Variants in SYNC observed in about 807,000 individuals in gnomAD.
SYNC encodes syncoilin.
SYNC carries 38 observed loss-of-function variants against 49.5 expected under a neutral mutation model. That is an observed-to-expected ratio of 0.77 (90% CI 0.59 to 1.01). The LOEUF (loss-of-function observed/expected upper bound fraction) is 1.01, where lower values mean the gene tolerates loss of function less well. Ranked by LOEUF, SYNC falls within the 50% of genes least tolerant of loss-of-function variation. The pLI is 0.00. For missense variants in SYNC, 579 were observed against 580.6 expected (o/e 1.00, Z 0.03); for synonymous variants, 201 against 230.8 (o/e 0.87, Z 1.17).
chr1:32,698,036 A>G (rs1650508135), intron 1 of SYNC, among the ~76,000 whole-genome samples: 1 of 151,748 alleles, frequency 6.6e-6, no homozygotes, highest in Non-Finnish European at 1.5e-5. Flanking sequence ...CAGCCTAGCC[A>G]ACATGGTGAA....
intron 1 of SYNC, among the ~76,000 whole-genome samples, chr1:32,700,693 G>A (rs1038636745): frequency 2.0e-5 from 3 of 152,056 alleles, no homozygotes; most frequent in Non-Finnish European, 2.9e-5. Context: ...GCAAGACTCT[G>A]TCTCAAAAAA....
rs1649434037 is a variant in SYNC, at chr1:32,681,516, C to T, written c.*334G>A. The T allele has an allele frequency of 2.9e-6, 1 of 344,926 alleles. No individual in the cohort carries two copies. Among genetic ancestry groups the T allele is most frequent in the African/African-American group, 2.1e-5 (1 of 47,374 alleles). The allele number at this position is 344,926 out of a possible 1,614,324, so 21.4% of individuals were successfully genotyped here. A position where few individuals can be genotyped will look rare whatever the true frequency, so the allele number is the denominator to read the frequency against. On this transcript the variant is annotated 3_prime_UTR_variant, in exon 5 of 5. Coordinates refer to ENST00000409190, the MANE Select transcript of SYNC (RefSeq NM_030786.3). ...GCAAGATACATTCTTTAAAATACTCCCAGATGTGTCCATACATTCATCCTT... is the reference window on the plus strand; with the variant it reads ...GCAAGATACATTCTTTAAAATACTCTCAGATGTGTCCATACATTCATCCTT...
At chr1:32,689,235 C>CTTTTTTTTTTTTTTTTTTTTTTTT (rs71006360) in intron 2 of SYNC, among the ~76,000 whole-genome samples, 1 of 41,536 alleles carries the variant, frequency 2.4e-5, no homozygotes, top group Non-Finnish European at 4.9e-5. Flanking sequence ...CTCGCCTGGC[C>CTTTTTTTTTTTTTTTTTTTTTTTT]TTTTTTTTTT....
chr1:32,694,979 C>A lies in SYNC; in HGVS notation c.1119G>T (p.Glu373Asp), dbSNP rs143560038. The change falls in exon 2 of 5, where the codon GAG becomes GAT. Residue 373 changes from glutamate to aspartate, a missense_variant. Transcript: ENST00000409190. Reference protein sequence around the residue: ...RTQAEIQEMKEALRPLQAEAR... With the variant: ...RTQAEIQEMKDALRPLQAEAR... ...CCTCTGCTTGCAGGGGTCTCAGAGC[C>A]TCCTTCATTTCCTGGATCTCAGCCT... 6.2e-7 allele frequency: 1 copy of A among 1,613,972 alleles called. No individual in the cohort carries two copies. Among genetic ancestry groups the A allele is most frequent in the Admixed American group, 1.7e-5 (1 of 59,980 alleles).
intron 2 of SYNC, among the ~76,000 whole-genome samples, chr1:32,689,671 G>A (rs1386026297): frequency 2.6e-5 from 4 of 152,072 alleles, no homozygotes; most frequent in Non-Finnish European, 5.9e-5. Context: ...GGCCGGGCGT[G>A]GTGGCTCATG....
Position 32,680,058 on chromosome 1 carries a change from CA to C in SYNC, c.*1791del. ...GGCTAGAGTGAGTAAGGAATAGAGC[CA>C]AATGAGGTAGGTGTCTGAGCCATGA... On this transcript the variant is annotated 3_prime_UTR_variant, in exon 5 of 5. Coordinates refer to ENST00000409190, the MANE Select transcript of SYNC (RefSeq NM_030786.3). The C allele has an allele frequency of 9.3e-7, 1 of 1,078,858 alleles. No homozygotes were observed. Among genetic ancestry groups the C allele is most frequent in the Non-Finnish European group, 1.1e-6 (1 of 891,736 alleles). The allele number at this position is 1,078,858 out of a possible 1,614,324, so 66.8% of individuals were successfully genotyped here.
At chr1:32,684,775 ATACTT>A (rs950436091) in intron 2 of SYNC, 1 of 159,000 alleles carries the variant, frequency 6.3e-6, no homozygotes, top group African/African-American at 2.4e-5. Context: ...ATAATATAAA[ATACTT>A]AAGTTGAAAT....
chr1:32,694,869 T>C lies in SYNC; in HGVS notation c.1229A>G (p.Tyr410Cys). Residue 410 changes from tyrosine to cysteine, a missense_variant, in exon 2 of 5, where the codon TAC (tyrosine) becomes TGC (cysteine). Coordinates refer to ENST00000409190, the MANE Select transcript of SYNC (RefSeq NM_030786.3). ...TTTCATGCCCAATGGGCCTACCCTG[T>C]ACTGCTGCACCTCTTCATCTCGTTT... is the stretch of plus-strand genomic sequence containing the variant. ...RQKRDEEVQQ[Y>C]REQLEEMEER... is the part of the protein sequence containing the mutation. 2 of 1,602,764 alleles carry C rather than the reference T, an allele frequency of 1.2e-6. No homozygotes were observed. The highest frequency in any genetic ancestry group is 1.1e-5 in the South Asian group (1 of 89,308).
At chr1:32,684,188 T>A (rs1649649779) in intron 3 of SYNC, 70 bp downstream of exon 3, 8 of 1,605,772 alleles carry the variant, frequency 5.0e-6, no homozygotes, top group Non-Finnish European at 6.0e-6. Flanking sequence ...TAAGGTAAAA[T>A]TTTCCCTAAG....
At chr1:32,685,874 T>C (rs963547532) in intron 2 of SYNC, 1 of 152,222 alleles carries the variant, frequency 6.6e-6, no homozygotes, top group Non-Finnish European at 1.5e-5. Flanking sequence ...TGTTAACCAC[T>C]AGATTAACTT....
Position 32,680,374 on chromosome 1 carries a change from T to TTA in SYNC, c.*1475_*1476insTA. 8.7e-7 allele frequency: 1 copy of TTA among 1,148,448 alleles called. No homozygotes were observed. Among genetic ancestry groups the TTA allele is most frequent in the East Asian group, 4.2e-5 (1 of 23,828 alleles). The allele number at this position is 1,148,448 out of a possible 1,614,324, so 71.1% of individuals were successfully genotyped here. A position where few individuals can be genotyped will look rare whatever the true frequency, so the allele number is the denominator to read the frequency against. On this transcript the variant is annotated 3_prime_UTR_variant, in exon 5 of 5. Coordinates refer to ENST00000409190, the MANE Select transcript of SYNC (RefSeq NM_030786.3). ...TGTTGTTGGTTTTTTTTTTTTTTTT[T>TTA]TTAACTTGGGACCACCAAGTTGTAA...
intron 4 of SYNC, 106 bp downstream of exon 4, chr1:32,683,904 A>G: frequency 9.0e-7 from 1 of 1,113,300 alleles, no homozygotes; most frequent in Non-Finnish European, 1.3e-6. Context: ...AAGTGCTAGG[A>G]TTACAGGCGT....
At chr1:32,696,793 CT>C (rs900235484) in intron 1 of SYNC, among the ~76,000 whole-genome samples, 7 of 149,504 alleles carry the variant, frequency 4.7e-5, no homozygotes, top group African/African-American at 1.7e-4. Context: ...TTCCTTATAA[CT>C]TTTTTTTTTC....
rs1470971166 is a variant in SYNC at position 32,680,358 on chromosome 1, T to G, written c.*1492A>C. ...ATGGTGTTTTTTTTTTTGTTGTTGG[T>G]TTTTTTTTTTTTTTTTTTAACTTGG... On this transcript the variant is annotated 3_prime_UTR_variant, in exon 5 of 5. Transcript: ENST00000409190. 8 of 120,820 alleles carry G rather than the reference T, an allele frequency of 6.6e-5. No individual in the cohort carries two copies. The highest frequency in any genetic ancestry group is 2.7e-4 in the South Asian group (1 of 3,758). The allele number at this position is 120,820 out of a possible 1,614,324, so 7.5% of individuals were successfully genotyped here. A position where few individuals can be genotyped will look rare whatever the true frequency, so the allele number is the denominator to read the frequency against.
chr1:32,702,567 T>C lies in SYNC; in HGVS notation c.53+41A>G. 1 of 1,196,072 alleles carries C rather than the reference T, an allele frequency of 8.4e-7. No homozygotes were observed. Among genetic ancestry groups the C allele is most frequent in the Non-Finnish European group, 1.0e-6 (1 of 965,704 alleles). The allele number at this position is 1,196,072 out of a possible 1,614,324, so 74.1% of individuals were successfully genotyped here. On this transcript the variant is annotated intron_variant, in intron 1 of 4. Transcript: ENST00000409190. The surrounding 1 kb of genome is among the most constrained non-coding windows in gnomAD (Gnocchi z 6.2). ...AAGGGAACCCGTCCAGCAGCACCCCTTCCCCAGCGGGGCGGCGACGCGGGC... is the reference window on the plus strand; with the variant it reads ...AAGGGAACCCGTCCAGCAGCACCCCCTCCCCAGCGGGGCGGCGACGCGGGC...
In SYNC at chr1:32,680,347, T is replaced by TG. The variant is rs199920140; in HGVS notation, c.*1502_*1503insC. On this transcript the variant is annotated 3_prime_UTR_variant, in exon 5 of 5. Coordinates refer to ENST00000409190, the MANE Select transcript of SYNC (RefSeq NM_030786.3). The stretch of plus-strand genomic sequence containing the variant: ...CTGTCTGTGAAATGGTGTTTTTTTT[T>TG]TTGTTGTTGGTTTTTTTTTTTTTTT... The TG allele has an allele frequency of 0.047, 56,897 of 1,210,636 alleles. 3,245 individuals are homozygous for TG. The highest frequency in any genetic ancestry group is 0.26 in the African/African-American group (15,188 of 58,272). 75.0% of individuals were successfully genotyped at this position (1,210,636 alleles called of 1,614,324 possible). A position where few individuals can be genotyped will look rare whatever the true frequency, so the allele number is the denominator to read the frequency against.
intron 2 of SYNC, chr1:32,684,620 T>C: frequency 2.0e-6 from 1 of 511,064 alleles, no homozygotes; most frequent in Non-Finnish European, 3.4e-6. Context: ...ACAGCTTGCT[T>C]TAATAGAATC....
chr1:32,702,580 C>G lies in SYNC; in HGVS notation c.53+28G>C. On this transcript the variant is annotated intron_variant, in intron 1 of 4. Transcript: ENST00000409190. The surrounding 1 kb of genome is among the most constrained non-coding windows in gnomAD (Gnocchi z 6.2). Reference sequence around the variant, plus strand: ...CAGCAGCACCCCTTCCCCAGCGGGGCGGCGACGCGGGCCCGGCACTGTCCT... The same window carrying G: ...CAGCAGCACCCCTTCCCCAGCGGGGGGGCGACGCGGGCCCGGCACTGTCCT... 8.4e-7 allele frequency: 1 copy of G among 1,188,816 alleles called. No individual in the cohort carries two copies. The highest frequency in any genetic ancestry group is 1.6e-5 in the African/African-American group (1 of 62,606). The allele number at this position is 1,188,816 out of a possible 1,614,324, so 73.6% of individuals were successfully genotyped here. A position where few individuals can be genotyped will look rare whatever the true frequency, so the allele number is the denominator to read the frequency against.
intron 2 of SYNC, among the ~76,000 whole-genome samples, chr1:32,689,540 C>G (rs1650057709): frequency 6.6e-6 from 1 of 151,980 alleles, no homozygotes. Flanking sequence ...AGCTCACTGC[C>G]TGGCCCACAG....
Sources: gnomAD v4.1 joint callset for allele counts (sites outside exome capture counted in the v4.1 genomes callset) on GRCh38, gnomAD v4.1.1 for gene constraint, Gnocchi (gnomAD v3.1) non-coding constraint, MANE v1.5 for transcripts, NCBI Gene and HGNC (gene_info 2026-07-23, HGNC 2026-07-21) for gene names.